The following FAM107B variants were observed in gnomAD, a reference collection of about 807,000 sequenced individuals.
FAM107B encodes family with sequence similarity 107 member B.
Under a neutral mutation model 31.5 loss-of-function variants are expected in FAM107B, and 21 were observed. The ratio of observed to expected loss-of-function variants is 0.67; its 90% CI spans 0.47 to 0.96. The LOEUF (loss-of-function observed/expected upper bound fraction) is 0.96, where lower values mean the gene tolerates loss of function less well. FAM107B is among the 40% of genes least tolerant of loss of function. The pLI is 0.00. For missense variants in FAM107B, 452 were observed against 377.1 expected (o/e 1.20, Z -1.64); for synonymous variants, 157 against 141.5 (o/e 1.11, Z -0.78).
At chr10:14,521,795 C>A in intron 4 of FAM107B, 74 bp downstream of exon 4, 1 of 1,564,232 alleles carries the variant, frequency 6.4e-7, no homozygotes, top group Non-Finnish European at 8.6e-7. Context: ...TCTGGTAAAT[C>A]CTGCCCGCTC....
chr10:14,522,762 A>C (rs1845801433), intron 3 of FAM107B, among the ~76,000 whole-genome samples: 1 of 152,094 alleles, frequency 6.6e-6, no homozygotes. Context: ...ACCAGCTTAG[A>C]CAGTAAAATG....
chr10:14,721,624 A>G (rs1237529018), intron 1 of FAM107B, among the ~76,000 whole-genome samples: 1 of 151,960 alleles, frequency 6.6e-6, no homozygotes, highest in South Asian at 2.1e-4. Context: ...TCATGTGTCT[A>G]TTGGCTGCAT....
chr10:14,675,540 T>C (rs1854661851), intron 1 of FAM107B, among the ~76,000 whole-genome samples: 1 of 152,172 alleles, frequency 6.6e-6, no homozygotes, highest in Admixed American at 6.5e-5. Flanking sequence ...TGGCCTCAAC[T>C]TCCTTCATTT....
intron 2 of FAM107B, among the ~76,000 whole-genome samples, chr10:14,547,777 G>A (rs1228358349): frequency 3.9e-5 from 6 of 152,148 alleles, no homozygotes; most frequent in Admixed American, 1.3e-4. Context: ...CAGAAACAAC[G>A]GTAACAATGA....
intron 1 of FAM107B, among the ~76,000 whole-genome samples, chr10:14,716,327 G>A (rs933611898): frequency 7.2e-5 from 11 of 152,278 alleles, no homozygotes; most frequent in East Asian, 1.9e-4. Context: ...ACTGGGTTGC[G>A]GGATCCATTT....
intron 1 of FAM107B, among the ~76,000 whole-genome samples, chr10:14,733,803 C>T (rs908421761): frequency 6.6e-6 from 1 of 152,194 alleles, no homozygotes; most frequent in African/African-American, 2.4e-5. Context: ...TGTCTGATTC[C>T]AGACCCCATC....
In FAM107B at chr10:14,616,507, T is replaced by TA. The variant is rs532512241; in HGVS notation, c.469+51126dup. On this transcript the variant is annotated intron_variant, in intron 2 of 4. Transcript: ENST00000181796. Reference sequence around the variant, plus strand: ...TTCCATTGCCTAGGTCAGCCTGGTATAAAAAAATGGAAAGACCCAGTGGGT... The same window carrying TA: ...TTCCATTGCCTAGGTCAGCCTGGTATAAAAAAAATGGAAAGACCCAGTGGGT... 2.0e-4 allele frequency among the ~76,000 whole-genome samples: 31 copies of TA among 152,266 alleles called. No homozygotes were observed. In the East Asian group the frequency reaches 5.6e-3, roughly 27 times the overall value.
At chr10:14,738,387 A>G (rs190939998) in intron 1 of FAM107B, among the ~76,000 whole-genome samples, 13 of 152,328 alleles carry the variant, frequency 8.5e-5, no homozygotes, top group African/African-American at 3.1e-4. Flanking sequence ...AGAATCAGTT[A>G]TTGACTAGAA....
chr10:14,713,976 A>G (rs1243354996), intron 1 of FAM107B, among the ~76,000 whole-genome samples: 1 of 152,172 alleles, frequency 6.6e-6, no homozygotes, highest in African/African-American at 2.4e-5. Flanking sequence ...AGAGCTAAAC[A>G]CTGAGTACAT....
intron 2 of FAM107B, among the ~76,000 whole-genome samples, chr10:14,620,742 T>C (rs1210933958): frequency 1.3e-5 from 2 of 152,296 alleles, no homozygotes; most frequent in South Asian, 4.1e-4. Flanking sequence ...CCATGTGTTC[T>C]TATTGTTCAA....
intron 2 of FAM107B, among the ~76,000 whole-genome samples, chr10:14,658,645 A>G (rs1854137389): frequency 6.6e-6 from 1 of 152,242 alleles, no homozygotes; most frequent in African/African-American, 2.4e-5. Context: ...ACGCAATTCC[A>G]GTTTCTGACT....
chr10:14,742,337 C>T (rs1856459477), intron 1 of FAM107B, among the ~76,000 whole-genome samples: 1 of 150,054 alleles, frequency 6.7e-6, no homozygotes, highest in African/African-American at 2.5e-5. Context: ...AGGCTGGTGT[C>T]GAACTTCTGG....
At chr10:14,686,408 AG>A (rs1343909589) in intron 1 of FAM107B, among the ~76,000 whole-genome samples, 5 of 150,764 alleles carry the variant, frequency 3.3e-5, no homozygotes, top group African/African-American at 1.2e-4. Context: ...AAAAAAAAAA[AG>A]TGTGGTGGCA....
At chr10:14,592,523 T>G (rs1852055196) in intron 2 of FAM107B, among the ~76,000 whole-genome samples, 1 of 152,234 alleles carries the variant, frequency 6.6e-6, no homozygotes, top group Non-Finnish European at 1.5e-5. Flanking sequence ...CTTAACAGTG[T>G]CTAATCCTGC....
intron 2 of FAM107B, among the ~76,000 whole-genome samples, chr10:14,578,753 G>A (rs941672302): frequency 2.0e-5 from 3 of 152,158 alleles, no homozygotes; most frequent in African/African-American, 4.8e-5. Flanking sequence ...GAAGAGATTA[G>A]AACAAGGAAG....
At chr10:14,540,711 T>G (rs1269455458) in intron 2 of FAM107B, among the ~76,000 whole-genome samples, 2 of 152,238 alleles carry the variant, frequency 1.3e-5, no homozygotes, top group Non-Finnish European at 2.9e-5. Context: ...CTAAAGTGTG[T>G]GTGGAGATAG....
chr10:14,693,923 T>A (rs1855205187), intron 1 of FAM107B, among the ~76,000 whole-genome samples: 1 of 152,252 alleles, frequency 6.6e-6, no homozygotes, highest in Non-Finnish European at 1.5e-5. Context: ...ATGTACAGTA[T>A]TTGTTGTTGG....
At chr10:14,656,366 G>A (rs1269683342) in intron 2 of FAM107B, among the ~76,000 whole-genome samples, 1 of 152,192 alleles carries the variant, frequency 6.6e-6, no homozygotes, top group East Asian at 1.9e-4. Context: ...CAAAAGCAAC[G>A]CCAACAATTA....
chr10:14,766,826 A>G (rs2131596119), intron 1 of FAM107B, among the ~76,000 whole-genome samples: 1 of 150,914 alleles, frequency 6.6e-6, no homozygotes, highest in East Asian at 2.0e-4. Flanking sequence ...GTACAACAAC[A>G]ACAACAGAAA....
Sources: gnomAD v4.1 joint callset for allele counts (sites outside exome capture counted in the v4.1 genomes callset) on GRCh38, gnomAD v4.1.1 for gene constraint, MANE v1.5 for transcripts, NCBI Gene and HGNC (gene_info 2026-07-23, HGNC 2026-07-21) for gene names.